Variants in CRACDL observed in about 807,000 individuals in gnomAD.
CRACDL encodes CRACD like, also known as CRACD-like protein.
In CRACDL, 26 loss-of-function variants were observed where a neutral mutation model predicts 70.6. The observed-to-expected ratio is 0.37, with a 90% CI of 0.27 to 0.51. CRACDL has a LOEUF of 0.51. Among genes scored for constraint, CRACDL ranks in the 20% least tolerant of loss-of-function variants. The pLI, the probability that CRACDL is intolerant of heterozygous loss-of-function variation, is 0.94. For synonymous variants in CRACDL, 618 were observed against 615.2 expected, an observed-to-expected ratio of 1.00 and a Z score of -0.07; for missense variants, 1,283 against 1,376.9, an observed-to-expected ratio of 0.93 and a Z score of 1.08.
At chr2:98,799,966 C>T (rs1575317938) in intron 7 of CRACDL, among the ~76,000 whole-genome samples, 1 of 152,344 alleles carries the variant, frequency 6.6e-6, no homozygotes, top group East Asian at 1.9e-4. Context: ...GTCATCGCTT[C>T]CTCCCAGCAT....
intron 1 of CRACDL, among the ~76,000 whole-genome samples, chr2:98,866,475 C>CTTTTTTTTTTTTTTTTTTTTTTT (rs1173322192): frequency 2.3e-5 from 1 of 43,232 alleles, no homozygotes; most frequent in African/African-American, 1.0e-4. Context: ...ATCACTTCTT[C>CTTTTTTTTTTTTTTTTTTTTTTT]TTTTTTTTTT....
At position 98,832,979 on chromosome 2, in the gene CRACDL, C is replaced by G; in HGVS notation, c.258G>C (p.Leu86=). The change falls in exon 4 of 10, where the codon CTG becomes CTC. Residue 86 remains leucine, a synonymous_variant. Transcript: ENST00000397899. ...TGTCGTGAGAAAGGGCCCGGCTGCC[C>G]AGCGTGCCCCTCGACTCCCTAGGAT... ...EDELEESRGT[L]GSRALSHDSI... 1 of 1,613,380 alleles carries G rather than the reference C, an allele frequency of 6.2e-7. No individual in the cohort carries two copies. Among genetic ancestry groups the G allele is most frequent in the Non-Finnish European group, 8.5e-7 (1 of 1,179,614 alleles).
intron 1 of CRACDL, among the ~76,000 whole-genome samples, chr2:98,850,218 G>T (rs1706426917): frequency 6.6e-6 from 1 of 152,202 alleles, no homozygotes; most frequent in Admixed American, 6.5e-5. Context: ...TCAAACCACT[G>T]CCAGGTAAGT....
chr2:98,827,227 C>T (rs947448226), intron 5 of CRACDL, 58 bp from the exon 6 acceptor site: 29 of 1,230,630 alleles, frequency 2.4e-5, no homozygotes, highest in Non-Finnish European at 3.3e-5. Context: ...GAAATAAGGA[C>T]GACCAACGCA....
chr2:98,821,919 C>G lies in CRACDL; in HGVS notation c.2354G>C (p.Gly785Ala), dbSNP rs1346712144. The change falls in exon 7 of 10, where the codon GGA (glycine) becomes GCA (alanine). Residue 785 changes from glycine (G) to alanine (A), a missense_variant. Transcript: ENST00000397899. ...GGGCTCCTTCCTGGGTTCCCGCTCT[C>G]CCGGGCCGGCGTCGGGGGGCGCGGG... Reference protein sequence around the residue: ...HQPAPPDAGPGEREPRKEPRT... With the variant: ...HQPAPPDAGPAEREPRKEPRT... The G allele has an allele frequency of 1.9e-6, 3 of 1,591,328 alleles. No individual in the cohort carries two copies. Among genetic ancestry groups the G allele is most frequent in the African/African-American group, 2.7e-5 (2 of 73,328 alleles).
chr2:98,897,235 T>G (rs1708149410), intron 1 of CRACDL: 1 of 376,494 alleles, frequency 2.7e-6, no homozygotes, highest in African/African-American at 2.1e-5. Context: ...ACTGGCTTCT[T>G]TCACAAAGTG....
At chr2:98,839,879 A>G (rs903237888) in intron 2 of CRACDL, among the ~76,000 whole-genome samples, 2 of 152,206 alleles carry the variant, frequency 1.3e-5, no homozygotes, top group Non-Finnish European at 2.9e-5. Context: ...TCACCCTGAT[A>G]TTAATTATCA....
At chr2:98,881,801 T>C (rs1188047111) in intron 1 of CRACDL, among the ~76,000 whole-genome samples, 6 of 152,154 alleles carry the variant, frequency 3.9e-5, no homozygotes, top group Admixed American at 2.0e-4. Context: ...CACAGCATCA[T>C]GGCGGGGAGA....
At chr2:98,869,336 T>TG (rs1386388081) in intron 1 of CRACDL, 1 of 1,145,418 alleles carries the variant, frequency 8.7e-7, no homozygotes, top group Non-Finnish European at 1.1e-6. Context: ...GTGAGCTCCT[T>TG]GGGCGGGTGC....
At chr2:98,921,259 C>G (rs1414414870) in intron 1 of CRACDL, among the ~76,000 whole-genome samples, 2 of 152,246 alleles carry the variant, frequency 1.3e-5, no homozygotes, top group Non-Finnish European at 2.9e-5. Flanking sequence ...AGGTCCCACC[C>G]AGCCCTCCTG....
intron 1 of CRACDL, among the ~76,000 whole-genome samples, chr2:98,847,238 C>T (rs555799640): frequency 9.2e-5 from 14 of 152,154 alleles, no homozygotes; most frequent in Non-Finnish European, 1.5e-4. Context: ...TAATTTTTTA[C>T]GCAAATATTT....
chr2:98,796,110 G>A lies in CRACDL; in HGVS notation c.2749+10C>T, dbSNP rs1384573879. The A allele has an allele frequency of 4.3e-6, 7 of 1,611,380 alleles. No homozygotes were observed. Among genetic ancestry groups the A allele is most frequent in the Non-Finnish European group, 5.1e-6 (6 of 1,177,582 alleles). ...TTCAAAGTATGTGGTAATGTTTGCA[G>A]ATTTCATACCCAAGTTCTGATGGGA... On this transcript the variant is annotated intron_variant, in intron 9 of 9. Coordinates refer to ENST00000397899, the MANE Select transcript of CRACDL (RefSeq NM_207362.3).
intron 9 of CRACDL, among the ~76,000 whole-genome samples, chr2:98,795,725 A>G (rs1030376411): frequency 1.3e-5 from 2 of 152,192 alleles, no homozygotes; most frequent in Non-Finnish European, 2.9e-5. Flanking sequence ...GACCTCTCCC[A>G]CCTGCATATA....
intron 9 of CRACDL, 26 bp from the exon 10 acceptor site, chr2:98,794,697 C>A: frequency 2.5e-6 from 4 of 1,596,106 alleles, no homozygotes; most frequent in South Asian, 1.1e-5. Context: ...ACAAAACCAA[C>A]AGAAACATGA....
rs1197046463 is a variant in CRACDL, at chr2:98,822,131, C to T, written c.2142G>A (p.Arg714=). The part of the protein sequence containing the change: ...KGVKRYSAEV[R]LERSLTVLPK... ...GGAGCACGGTCAGCGACCTTTCTAA[C>T]CGGACCTCGGCACTGTACCTCTTCA... The change falls in exon 7 of 10, where the codon CGG becomes CGA. Residue 714 remains arginine (R), a synonymous_variant. Coordinates refer to ENST00000397899, the MANE Select transcript of CRACDL (RefSeq NM_207362.3). The surrounding 1 kb of genome is among the most constrained non-coding windows in gnomAD (Gnocchi z 4.9). The T allele has an allele frequency of 6.3e-7, 1 of 1,595,430 alleles. No homozygotes were observed. Among genetic ancestry groups the T allele is most frequent in the Non-Finnish European group, 8.5e-7 (1 of 1,171,320 alleles).
chr2:98,909,570 C>T (rs1405212561), intron 1 of CRACDL, among the ~76,000 whole-genome samples: 1 of 152,168 alleles, frequency 6.6e-6, no homozygotes, highest in Non-Finnish European at 1.5e-5. Context: ...GGCTGCAGGA[C>T]GCGAGCAAAC....
At chr2:98,927,768 G>C (rs1030435863) in intron 1 of CRACDL, among the ~76,000 whole-genome samples, 1 of 152,144 alleles carries the variant, frequency 6.6e-6, no homozygotes, top group Non-Finnish European at 1.5e-5. Flanking sequence ...GAAGGCTCGT[G>C]GACTGGAACC....
intron 9 of CRACDL, among the ~76,000 whole-genome samples, chr2:98,795,698 C>G (rs1703789799): frequency 6.6e-6 from 1 of 152,156 alleles, no homozygotes; most frequent in Non-Finnish European, 1.5e-5. Context: ...CTGGTGTATG[C>G]AGGGAGCTGG....
intron 1 of CRACDL, among the ~76,000 whole-genome samples, chr2:98,861,927 G>A (rs1706952576): frequency 6.6e-6 from 1 of 152,212 alleles, no homozygotes; most frequent in Non-Finnish European, 1.5e-5. Context: ...CTAGGGATCT[G>A]TCCTCTGGCT....
Sources: allele counts gnomAD v4.1 joint callset (sites outside exome capture counted in the v4.1 genomes callset), GRCh38; gene constraint gnomAD v4.1.1; non-coding constraint Gnocchi (gnomAD v3.1); transcripts MANE v1.5; gene names NCBI Gene and HGNC (gene_info 2026-07-23, HGNC 2026-07-21).